RSU1: variants seen among roughly 807,000 people sequenced by gnomAD.
RSU1 encodes the protein rsu-1.
RSU1 carries 26 observed loss-of-function variants against 31.1 expected under a neutral mutation model. That is an observed-to-expected ratio of 0.84 (90% CI 0.61 to 1.16). The LOEUF (loss-of-function observed/expected upper bound fraction) is 1.16, where lower values mean the gene tolerates loss of function less well. RSU1 is among the 50% of genes most tolerant of loss of function. RSU1 has a pLI of 0.00. For missense variants in RSU1, 320 were observed against 339.1 expected (o/e 0.94, Z 0.44); for synonymous variants, 164 against 136.3 (o/e 1.20, Z -1.41).
At chr10:16,721,173 A>C (rs1013552439) in intron 7 of RSU1, among the ~76,000 whole-genome samples, 29 of 152,198 alleles carry the variant, frequency 1.9e-4, no homozygotes, top group African/African-American at 7.0e-4. Context: ...GCTCATGAGA[A>C]CACCACAGGC....
At chr10:16,660,692 G>A (rs1270876576) in intron 8 of RSU1, among the ~76,000 whole-genome samples, 4 of 122,868 alleles carry the variant, frequency 3.3e-5, no homozygotes, top group African/African-American at 1.3e-4. Context: ...TGTCACTCAG[G>A]CTGAAGTGCA....
chr10:16,656,745 C>A (rs991286455), intron 8 of RSU1, among the ~76,000 whole-genome samples: 1 of 152,214 alleles, frequency 6.6e-6, no homozygotes, highest in Non-Finnish European at 1.5e-5. Flanking sequence ...TTCATAAACA[C>A]AACATGTAAT....
At chr10:16,637,080 C>G (rs1188102880) in intron 8 of RSU1, among the ~76,000 whole-genome samples, 1 of 152,182 alleles carries the variant, frequency 6.6e-6, no homozygotes, top group Non-Finnish European at 1.5e-5. Context: ...TTTCCTGCAA[C>G]CAAAGCATTA....
At chr10:16,692,396 C>A (rs1394390375) in intron 8 of RSU1, among the ~76,000 whole-genome samples, 1 of 152,154 alleles carries the variant, frequency 6.6e-6, no homozygotes, top group Non-Finnish European at 1.5e-5. Flanking sequence ...GTATTCTCAT[C>A]CTCTATAAAT....
chr10:16,684,955 G>T (rs1835412035), intron 8 of RSU1, among the ~76,000 whole-genome samples: 1 of 152,138 alleles, frequency 6.6e-6, no homozygotes, highest in Non-Finnish European at 1.5e-5. Context: ...TGTTCCAAAT[G>T]AGATTATTTA....
intron 2 of RSU1, among the ~76,000 whole-genome samples, chr10:16,782,514 A>G (rs1311405305): frequency 6.6e-6 from 1 of 152,194 alleles, no homozygotes; most frequent in Non-Finnish European, 1.5e-5. Context: ...CTTCATCCAA[A>G]CAGAAACTTT....
At chr10:16,693,001 C>T (rs1026281148) in intron 8 of RSU1, among the ~76,000 whole-genome samples, 13 of 152,074 alleles carry the variant, frequency 8.5e-5, no homozygotes, top group Admixed American at 5.9e-4. Context: ...ATTGCTCTGT[C>T]GCCCAGGCTG....
chr10:16,620,978 A>G (rs916655946), intron 8 of RSU1, among the ~76,000 whole-genome samples: 1 of 152,224 alleles, frequency 6.6e-6, no homozygotes, highest in East Asian at 1.9e-4. Context: ...GAGACTCTAA[A>G]AAATTCCCTT....
In RSU1 at chr10:16,753,202, C is replaced by A. The variant is rs1165101710; in HGVS notation, c.401-202G>T. 2.0e-5 allele frequency among the ~76,000 whole-genome samples: 3 copies of A among 152,174 alleles called. No homozygotes were observed. The East Asian group carries it at 5.8e-4, about 29-fold the overall frequency. On this transcript the variant is annotated intron_variant, in intron 5 of 8. Transcript: ENST00000345264. ...GTAGCTGGTGTGTCCAGGAAAACAT[C>A]TATATCCAAGAGGAATGACGCAATT...
chr10:16,756,778 T>C (rs1454243564), intron 4 of RSU1, among the ~76,000 whole-genome samples: 1 of 152,040 alleles, frequency 6.6e-6, no homozygotes, highest in South Asian at 2.1e-4. Context: ...CCGCAACCCA[T>C]GTGTTGCTCA....
chr10:16,784,630 A>G (rs1188775023), intron 2 of RSU1, among the ~76,000 whole-genome samples: 1 of 152,244 alleles, frequency 6.6e-6, no homozygotes, highest in African/African-American at 2.4e-5. Context: ...TCACAGTTCC[A>G]TATGGCTGGG....
intron 8 of RSU1, among the ~76,000 whole-genome samples, chr10:16,601,143 C>T: frequency 6.6e-6 from 1 of 152,166 alleles, no homozygotes; most frequent in East Asian, 1.9e-4. Context: ...AAGTCCTCAT[C>T]AGCCCACTGG....
At chr10:16,657,162 G>T (rs1381059298) in intron 8 of RSU1, among the ~76,000 whole-genome samples, 4 of 152,152 alleles carry the variant, frequency 2.6e-5, no homozygotes, top group African/African-American at 9.7e-5. Context: ...TCTCATAGAG[G>T]TTATATGACT....
intron 3 of RSU1, among the ~76,000 whole-genome samples, chr10:16,772,382 A>G (rs1588524825): frequency 6.6e-6 from 1 of 152,176 alleles, no homozygotes; most frequent in Non-Finnish European, 1.5e-5. Flanking sequence ...CTTCAGGAGG[A>G]CGTATGAACT....
intron 8 of RSU1, among the ~76,000 whole-genome samples, chr10:16,653,248 T>C (rs1373160981): frequency 1.3e-5 from 2 of 152,206 alleles, no homozygotes; most frequent in Non-Finnish European, 2.9e-5. Flanking sequence ...AACAGGCTAT[T>C]AACACTATCT....
intron 8 of RSU1, among the ~76,000 whole-genome samples, chr10:16,594,646 A>G (rs1833577900): frequency 6.9e-6 from 1 of 145,238 alleles, no homozygotes; most frequent in Non-Finnish European, 1.5e-5. Context: ...TATGATATAT[A>G]TGATATATAT....
chr10:16,739,154 T>C (rs1045858271), intron 7 of RSU1, among the ~76,000 whole-genome samples: 3 of 152,330 alleles, frequency 2.0e-5, no homozygotes, highest in Middle Eastern at 3.4e-3. Context: ...CTATTGTAAA[T>C]AGTGCTGCAA....
chr10:16,717,016 T>C (rs772669238), intron 7 of RSU1, among the ~76,000 whole-genome samples: 16 of 152,246 alleles, frequency 1.1e-4, no homozygotes, highest in Non-Finnish European at 1.6e-4. Context: ...CATTGTAATA[T>C]ATTACTAGAC....
At chr10:16,725,535 T>C (rs1215791633) in intron 7 of RSU1, among the ~76,000 whole-genome samples, 1 of 152,052 alleles carries the variant, frequency 6.6e-6, no homozygotes, top group African/African-American at 2.4e-5. Context: ...AGTCATGATG[T>C]TTACAAGCAC....
Sources: gnomAD v4.1 joint callset for allele counts (sites outside exome capture counted in the v4.1 genomes callset) on GRCh38, gnomAD v4.1.1 for gene constraint, MANE v1.5 for transcripts, NCBI Gene and HGNC (gene_info 2026-07-23, HGNC 2026-07-21) for gene names.